The following JMJD1C variants were observed in gnomAD, a reference collection of about 807,000 sequenced individuals.
JMJD1C encodes jumonji domain-containing protein 1C.
In JMJD1C, 31 loss-of-function variants were observed where a neutral mutation model predicts 245.3. That is an observed-to-expected ratio of 0.13 (90% CI 0.09 to 0.17). The LOEUF (loss-of-function observed/expected upper bound fraction) is 0.17. JMJD1C is among the 10% of genes least tolerant of loss of function. The pLI, the probability that JMJD1C is intolerant of heterozygous loss-of-function variation, is 1.00. For synonymous variants in JMJD1C, 1,057 were observed against 1,017.4 expected, an observed-to-expected ratio of 1.04 and a Z score of -0.74; for missense variants, 2,691 against 3,000.2, an observed-to-expected ratio of 0.90 and a Z score of 2.41.
At chr10:63,325,767 T>C (rs922557824) in intron 2 of JMJD1C, among the ~76,000 whole-genome samples, 9 of 152,240 alleles carry the variant, frequency 5.9e-5, no homozygotes, top group Admixed American at 1.3e-4. Flanking sequence ...ATTTCATTTA[T>C]TCTGGACACA....
intron 3 of JMJD1C, among the ~76,000 whole-genome samples, chr10:63,238,007 A>T (rs368473503): frequency 0.032 from 248 of 7,808 alleles, 3 homozygotes; most frequent in African/African-American, 0.13. Flanking sequence ...CGTCTCTACT[A>T]AAAAAAAAAA....
chr10:63,194,954 C>T (rs1845272001), intron 13 of JMJD1C, among the ~76,000 whole-genome samples: 1 of 152,150 alleles, frequency 6.6e-6, no homozygotes, highest in African/African-American at 2.4e-5. Flanking sequence ...GCATTTGATA[C>T]CTTGATCTCA....
intron 2 of JMJD1C, among the ~76,000 whole-genome samples, chr10:63,319,502 T>C (rs1237385638): frequency 6.6e-6 from 1 of 152,036 alleles, no homozygotes; most frequent in African/African-American, 2.4e-5. Context: ...CTCACCTCTC[T>C]CTTTTCTCTC....
At chr10:63,381,796 T>C (rs1347359635) in intron 1 of JMJD1C, among the ~76,000 whole-genome samples, 1 of 152,196 alleles carries the variant, frequency 6.6e-6, no homozygotes, top group Non-Finnish European at 1.5e-5. Context: ...CATAACTATA[T>C]CAAGTAAAGC....
intron 1 of JMJD1C, 137 bp downstream of exon 1, chr10:63,465,358 G>T: frequency 1.1e-6 from 1 of 900,496 alleles, no homozygotes; most frequent in Non-Finnish European, 1.6e-6. Context: ...GCGGGCAAAC[G>T]CGCCAAGGGT....
intron 1 of JMJD1C, among the ~76,000 whole-genome samples, chr10:63,420,888 AAAAC>A (rs1008189211): frequency 1.4e-5 from 2 of 139,970 alleles, no homozygotes; most frequent in Non-Finnish European, 3.0e-5. Context: ...AACAAAGTAC[AAAAC>A]AAACATTGTA....
At position 63,447,895 on chromosome 10, in the gene JMJD1C, C is replaced by T. The variant is rs180983107; in HGVS notation, c.168+17600G>A. On this transcript the variant is annotated intron_variant, in intron 1 of 25. Transcript: ENST00000399262. ...CAAAGGTTGCAGTGAGCTGAGACCA[C>T]GCCACTGCACTCCAGCCTGGGTGAT... 3.8e-4 allele frequency among the ~76,000 whole-genome samples: 58 copies of T among 151,806 alleles called. No homozygotes were observed. In the South Asian group the frequency reaches 0.011, roughly 28 times the overall value.
chr10:63,207,614 C>T lies in JMJD1C; in HGVS notation c.4055G>A (p.Gly1352Glu). ...ATTCACATTTGGCAAAATGATTCTTCCAGTTTCTCCGGCTTCTGCTAGTTT... is the reference window on the plus strand; with the variant it reads ...ATTCACATTTGGCAAAATGATTCTTTCAGTTTCTCCGGCTTCTGCTAGTTT... ...CLKLAEAGET[G>E]RIILPNVNSD... The change falls in exon 10 of 26, where the codon GGA becomes GAA. Residue 1352 changes from glycine (G) to glutamate (E), a missense_variant. Transcript: ENST00000399262. 10 of 1,614,116 alleles carry T rather than the reference C, an allele frequency of 6.2e-6. No individual in the cohort carries two copies. The highest frequency in any genetic ancestry group is 8.5e-6 in the Non-Finnish European group (10 of 1,180,022).
intron 2 of JMJD1C, chr10:63,268,558 C>T: frequency 4.2e-6 from 1 of 237,024 alleles, no homozygotes; most frequent in Non-Finnish European, 6.9e-6. Context: ...ACATTGAGGC[C>T]AGATCTTTTA....
intron 1 of JMJD1C, among the ~76,000 whole-genome samples, chr10:63,399,773 A>AT (rs58476707): frequency 0.032 from 4,718 of 145,840 alleles, 260 homozygotes; most frequent in East Asian, 0.26. Context: ...TCCTTTTAGG[A>AT]TTTTTTTTTT....
intron 1 of JMJD1C, among the ~76,000 whole-genome samples, chr10:63,460,498 A>G (rs1490529277): frequency 6.6e-6 from 1 of 152,156 alleles, no homozygotes; most frequent in Non-Finnish European, 1.5e-5. Context: ...CAGCCTGGGT[A>G]ACAGAGCAAG....
intron 1 of JMJD1C, chr10:63,521,665 TG>T: frequency 1.0e-6 from 1 of 1,004,288 alleles, no homozygotes; most frequent in Non-Finnish European, 1.3e-6. Flanking sequence ...AGGGAAGGCC[TG>T]GGCCTGGGCG....
intron 4 of JMJD1C, chr10:63,217,557 T>G: frequency 3.3e-6 from 1 of 301,064 alleles, no homozygotes; most frequent in African/African-American, 2.2e-5. Context: ...ATAAAATACT[T>G]TAAGAGAGAA....
At chr10:63,239,502 T>G (rs1851218164) in intron 3 of JMJD1C, among the ~76,000 whole-genome samples, 1 of 152,156 alleles carries the variant, frequency 6.6e-6, no homozygotes, top group Non-Finnish European at 1.5e-5. Context: ...TGGAGTGCTG[T>G]GGCACAATCT....
chr10:63,214,226 G>C lies in JMJD1C; in HGVS notation c.1941C>G (p.Pro647=), dbSNP rs748888700. ...KSSPSPEVVK[P]KITHSPDSVK... ...CAGAATCAGGAGAATGAGTTATTTT[G>C]GGTTTAACAACTTCAGGTGATGGGC... Residue 647 remains proline, a synonymous_variant, in exon 8 of 26, where the codon CCC becomes CCG. Coordinates refer to ENST00000399262, the MANE Select transcript of JMJD1C (RefSeq NM_032776.3). 3 of 1,613,916 alleles carry C rather than the reference G, an allele frequency of 1.9e-6. No individual in the cohort carries two copies. Among genetic ancestry groups the C allele is most frequent in the Non-Finnish European group, 2.5e-6 (3 of 1,179,952 alleles).
intron 1 of JMJD1C, among the ~76,000 whole-genome samples, chr10:63,512,415 A>G (rs993449437): frequency 9.9e-5 from 15 of 152,058 alleles, no homozygotes; most frequent in African/African-American, 3.6e-4. Flanking sequence ...TTTCACTTTG[A>G]GTAAGTCTTT....
chr10:63,262,929 A>C (rs1007923105), intron 3 of JMJD1C, among the ~76,000 whole-genome samples: 1 of 152,178 alleles, frequency 6.6e-6, no homozygotes, highest in African/African-American at 2.4e-5. Context: ...TAATTTCTAC[A>C]TAACGATTTC....
chr10:63,426,066 T>A (rs896014234), intron 1 of JMJD1C, among the ~76,000 whole-genome samples: 3 of 152,188 alleles, frequency 2.0e-5, no homozygotes, highest in Admixed American at 2.0e-4. Context: ...TGTAAAAGGA[T>A]GTGACACAAT....
intron 1 of JMJD1C, among the ~76,000 whole-genome samples, chr10:63,446,483 T>C (rs890962163): frequency 3.3e-5 from 5 of 152,062 alleles, no homozygotes; most frequent in African/African-American, 4.8e-5. Context: ...CTCCAGCATA[T>C]AGATGGTATT....
Sources: allele counts gnomAD v4.1 joint callset (sites outside exome capture counted in the v4.1 genomes callset), GRCh38; gene constraint gnomAD v4.1.1; transcripts MANE v1.5; gene names NCBI Gene and HGNC (gene_info 2026-07-23, HGNC 2026-07-21).